P2RX5: variants seen among roughly 807,000 people sequenced by gnomAD.
P2RX5 encodes purinergic receptor P2X 5, also known as P2X purinoceptor 5.
Under a neutral mutation model 54.1 loss-of-function variants are expected in P2RX5, and 46 were observed. The ratio of observed to expected loss-of-function variants is 0.85; its 90% CI spans 0.67 to 1.09. The LOEUF (loss-of-function observed/expected upper bound fraction) is 1.09, where lower values mean the gene tolerates loss of function less well. Ranked by LOEUF, P2RX5 falls within the 50% of genes least tolerant of loss-of-function variation. P2RX5 has a pLI of 0.00. For missense variants in P2RX5, 566 were observed against 549.8 expected, an observed-to-expected ratio of 1.03 and a Z score of -0.29; for synonymous variants, 226 against 226.4, an observed-to-expected ratio of 1.00 and a Z score of 0.02.
In P2RX5 at chr17:3,690,504, G is replaced by A. The variant is rs1299248116; in HGVS notation, c.456C>T (p.Cys152=). 6.2e-7 allele frequency: 1 copy of A among 1,613,386 alleles called. No homozygotes were observed. The highest frequency in any genetic ancestry group is 1.3e-5 in the African/African-American group (1 of 74,932). ...CCCTGGCCAAGTTCTCTCTCCGCAG[G>A]CAGCGGCCGGTCTTCACTCCTGCAG... ...TAGNGVKTGR[C]LRRENLARGT... Residue 152 remains cysteine (C), a synonymous_variant, in exon 5 of 12, where the codon TGC becomes TGT. Coordinates refer to ENST00000225328, the MANE Select transcript of P2RX5 (RefSeq NM_002561.4).
intron 9 of P2RX5, chr17:3,685,384 T>G (rs1248109552): frequency 1.3e-5 from 2 of 153,408 alleles, no homozygotes; most frequent in East Asian, 3.7e-4. Flanking sequence ...CCACGCCTAT[T>G]CTGATCTTGC....
At position 3,691,632 on chromosome 17, in the gene P2RX5, G is replaced by A. The variant is rs756337678; in HGVS notation, c.288+12C>T. On this transcript the variant is annotated intron_variant, in intron 2 of 11. Transcript: ENST00000225328. ...TGCCAGCCTTGGCCGTGTGCTAGGT[G>A]GGGACTCAGACCTGGGCTGGAATGA... 3.1e-6 allele frequency: 5 copies of A among 1,614,080 alleles called. No individual in the cohort carries two copies. The South Asian group carries it at 5.5e-5, about 18-fold the overall frequency.
At chr17:3,704,921 G>A in the P2RX5 span, among the ~76,000 whole-genome samples, 1,089 of 152,264 alleles carry the variant, frequency 7.2e-3, 4 homozygotes, top group Non-Finnish European at 0.011. Context: ...CAGGAGAATC[G>A]CTTGAACCTG....
upstream of P2RX5, among the ~76,000 whole-genome samples, chr17:3,700,676 A>G (rs1348216200): frequency 2.6e-5 from 4 of 152,146 alleles, no homozygotes; most frequent in Non-Finnish European, 4.4e-5. Flanking sequence ...GTGACCTCCC[A>G]TGTTGGAGGG....
At position 3,692,830 on chromosome 17, in the gene P2RX5, AAAC is replaced by A. The variant is rs546491863; in HGVS notation, c.138-1039_138-1037del. Among the ~76,000 whole-genome samples, 39 of 152,256 alleles carry A rather than the reference AAAC, an allele frequency of 2.6e-4. 1 individual carries two copies. In the East Asian group the frequency reaches 7.0e-3, roughly 27 times the overall value. On this transcript the variant is annotated intron_variant, in intron 1 of 11. Coordinates refer to ENST00000225328, the MANE Select transcript of P2RX5 (RefSeq NM_002561.4). ...GTGACAGGGTGAGACCCAGCCTCAA[AAAC>A]AACAACAAAAAAATGAAATAAGAGT...
At chr17:3,695,805 G>C (rs913804885) in intron 1 of P2RX5, 64 bp downstream of exon 1, 5 of 1,591,494 alleles carry the variant, frequency 3.1e-6, no homozygotes, top group Non-Finnish European at 4.3e-6. Flanking sequence ...CCTGGAGAAG[G>C]ACGCGGCGGC....
At chr17:3,708,382 G>A in the P2RX5 span, among the ~76,000 whole-genome samples, 1 of 151,722 alleles carries the variant, frequency 6.6e-6, no homozygotes, top group African/African-American at 2.4e-5. Flanking sequence ...GCAGGGAGCA[G>A]CTCAGAAAAA....
At chr17:3,679,560 G>A in intron 11 of P2RX5, 30 bp downstream of exon 11, 1 of 1,598,376 alleles carries the variant, frequency 6.3e-7, no homozygotes, top group Non-Finnish European at 8.5e-7. Flanking sequence ...GGACCCAGCT[G>A]TCGGGCTCTC....
In P2RX5 at chr17:3,690,484, G is replaced by A; in HGVS notation, c.476C>T (p.Ala159Val). The A allele has an allele frequency of 1.2e-6, 2 of 1,613,452 alleles. No individual in the cohort carries two copies. The highest frequency in any genetic ancestry group is 1.7e-6 in the Non-Finnish European group (2 of 1,179,894). Residue 159 changes from alanine to valine, a missense_variant, in exon 5 of 12, where the codon GCC becomes GTC. Ala to Val is a moderately conservative substitution (Grantham distance 64). Transcript: ENST00000225328. ...TGRCLRRENLARGTCEIFAWC... is the reference protein window; with the variant it reads ...TGRCLRRENLVRGTCEIFAWC... ...GGCAAAGATCTCACAGGTGCCCCTG[G>A]CCAAGTTCTCTCTCCGCAGGCAGCG...
intron 9 of P2RX5, among the ~76,000 whole-genome samples, chr17:3,684,757 A>C (rs1408626039): frequency 6.6e-6 from 1 of 151,686 alleles, no homozygotes; most frequent in Non-Finnish European, 1.5e-5. Flanking sequence ...TGTGTGTAAG[A>C]CCACAACACA....
chr17:3,691,523 G>T, intron 2 of P2RX5, 121 bp downstream of exon 2: 7 of 1,256,258 alleles, frequency 5.6e-6, no homozygotes, highest in African/African-American at 1.5e-5. Flanking sequence ...CCTGGCAGCT[G>T]TCTTGGGCCA....
upstream of P2RX5, among the ~76,000 whole-genome samples, chr17:3,701,221 G>GT (rs922303808): frequency 3.3e-5 from 5 of 151,898 alleles, no homozygotes; most frequent in South Asian, 2.1e-4. Context: ...ACGTTGTGAG[G>GT]TTTTTTTTGC....
chr17:3,689,427 G>T (rs115206895), intron 7 of P2RX5, 65 bp downstream of exon 7: 2 of 1,595,028 alleles, frequency 1.3e-6, no homozygotes, highest in Non-Finnish European at 1.7e-6. Flanking sequence ...CACCCTCCTC[G>T]TCACAGAGCC....
At chr17:3,674,536 G>C (rs190150492) in intron 11 of P2RX5, among the ~76,000 whole-genome samples, 7 of 152,200 alleles carry the variant, frequency 4.6e-5, no homozygotes, top group Non-Finnish European at 4.4e-5. Context: ...TCACTGGAAG[G>C]CTTGGCCGGC....
Position 3,690,394 on chromosome 17 carries a change from A to G in P2RX5, c.533+33T>C, listed in dbSNP as rs377644258. On this transcript the variant is annotated intron_variant, in intron 5 of 11. Coordinates refer to ENST00000225328, the MANE Select transcript of P2RX5 (RefSeq NM_002561.4). ...GGGACCCACCGCACGGGGCTGGGAAACCCCTCAGGGTCCTGAGGCTGCAGC... is the reference window on the plus strand; with the variant it reads ...GGGACCCACCGCACGGGGCTGGGAAGCCCCTCAGGGTCCTGAGGCTGCAGC... 2.2e-5 allele frequency: 33 copies of G among 1,520,028 alleles called. 1 individual carries two copies. In the African/African-American group the frequency reaches 2.5e-4, roughly 11 times the overall value. The allele number at this position is 1,520,028 out of a possible 1,614,324, so 94.2% of individuals were successfully genotyped here.
the P2RX5 span, among the ~76,000 whole-genome samples, chr17:3,713,396 T>C: frequency 6.6e-6 from 1 of 152,084 alleles, no homozygotes; most frequent in Non-Finnish European, 1.5e-5. Flanking sequence ...TGGAAGTAAG[T>C]CTTTATAAAT....
intron 1 of P2RX5, among the ~76,000 whole-genome samples, chr17:3,692,363 A>G (rs1179712890): frequency 6.6e-6 from 1 of 152,144 alleles, no homozygotes; most frequent in Non-Finnish European, 1.5e-5. Flanking sequence ...ACCACTGTCC[A>G]CTCAGAGGCC....
At chr17:3,690,200 C>T in intron 5 of P2RX5, 50 bp from the exon 6 acceptor site, 5 of 1,530,806 alleles carry the variant, frequency 3.3e-6, no homozygotes, top group Non-Finnish European at 4.5e-6. Context: ...CCCCTGTGCC[C>T]CTCCCCCAGG....
the P2RX5 span, among the ~76,000 whole-genome samples, chr17:3,719,257 G>GAAAAAAAAAAAAAAA: frequency 1.6e-5 from 2 of 123,650 alleles, no homozygotes; most frequent in African/African-American, 8.1e-5. Context: ...AAAAAAAAAA[G>GAAAAAAAAAAAAAAA]AAAAGAAAAG....
Sources: allele counts gnomAD v4.1 joint callset (sites outside exome capture counted in the v4.1 genomes callset), GRCh38; gene constraint gnomAD v4.1.1; transcripts MANE v1.5; gene names NCBI Gene and HGNC (gene_info 2026-07-23, HGNC 2026-07-21).